PRRC2C: variants seen among roughly 807,000 people sequenced by gnomAD.
PRRC2C encodes proline rich coiled-coil 2C, also known as protein PRRC2C.
In PRRC2C, 72 loss-of-function variants were observed where a neutral mutation model predicts 317.2. The ratio of observed to expected loss-of-function variants is 0.23; its 90% CI spans 0.19 to 0.28. PRRC2C has a LOEUF of 0.28. PRRC2C is among the 10% of genes least tolerant of loss of function. PRRC2C has a pLI of 1.00. For missense variants in PRRC2C, 3,074 were observed against 3,459.7 expected, an observed-to-expected ratio of 0.89 and a Z score of 2.80; for synonymous variants, 1,296 against 1,205.9, an observed-to-expected ratio of 1.07 and a Z score of -1.55.
chr1:171,591,039 C>A, intron 34 of PRRC2C: 1 of 310,178 alleles, frequency 3.2e-6, no homozygotes, highest in Non-Finnish European at 4.7e-6. Flanking sequence ...TTTTTGGGGG[C>A]ACATAGTCAA....
chr1:171,591,682 G>C lies in PRRC2C; in HGVS notation c.8532G>C (p.Val2844=). 6.2e-7 allele frequency: 1 copy of C among 1,613,908 alleles called. No homozygotes were observed. The highest frequency in any genetic ancestry group is 8.5e-7 in the Non-Finnish European group (1 of 1,179,872). ...TAGGAGGAGGCAAAGCCCAGAAAGTGGACAGTGATTCAAGTAAACCTCCTG... is the reference window on the plus strand; with the variant it reads ...TAGGAGGAGGCAAAGCCCAGAAAGTCGACAGTGATTCAAGTAAACCTCCTG... ...KQIGGGKAQK[V]DSDSSKPPET... is the part of the protein sequence containing the mutation. Residue 2844 remains valine, a synonymous_variant, in exon 35 of 35, where the codon GTG becomes GTC. Coordinates refer to ENST00000647382, the MANE Select transcript of PRRC2C (RefSeq NM_001387844.1).
At chr1:171,486,082 C>T (rs991261830) in intron 1 of PRRC2C, among the ~76,000 whole-genome samples, 1 of 145,720 alleles carries the variant, frequency 6.9e-6, no homozygotes, top group African/African-American at 2.6e-5. Flanking sequence ...GGGTTTCCGT[C>T]TTCCTGGACT....
At chr1:171,587,337 A>T (rs1166889582) in intron 31 of PRRC2C, 116 bp downstream of exon 31, 1 of 939,772 alleles carries the variant, frequency 1.1e-6, no homozygotes, top group African/African-American at 1.7e-5. Flanking sequence ...CCCTGCAAAA[A>T]TCTCAAACCC....
chr1:171,566,697 C>G lies in PRRC2C; in HGVS notation c.6412C>G (p.Pro2138Ala). The change falls in exon 22 of 35, where the codon CCA becomes GCA. Residue 2138 changes from proline (P) to alanine (A), a missense_variant. Physicochemically the swap from Pro to Ala is conservative, Grantham distance 27 (BLOSUM62 -1). Around this residue, in one of 11 missense-constraint regions of PRRC2C, gnomAD observed 640 missense variants for 676.1 expected, o/e 0.95. Coordinates refer to ENST00000647382, the MANE Select transcript of PRRC2C (RefSeq NM_001387844.1). ...RKVKDAQQVE[P>A]EGQEKPSPAT... is the part of the protein sequence containing the mutation. ...AGTAAAAGATGCCCAACAGGTGGAG[C>G]CAGAAGGACAAGAGAAACCAAGCCC... The G allele has an allele frequency of 6.2e-7, 1 of 1,613,332 alleles. No homozygotes were observed. The highest frequency in any genetic ancestry group is 2.2e-5 in the East Asian group (1 of 44,850).
Position 171,541,715 on chromosome 1 carries a change from C to T in PRRC2C, c.4249C>T (p.Pro1417Ser). 1 of 1,613,844 alleles carries T rather than the reference C, an allele frequency of 6.2e-7. No individual in the cohort carries two copies. The highest frequency in any genetic ancestry group is 1.3e-5 in the African/African-American group (1 of 75,018). The change falls in exon 16 of 35, where the codon CCA (proline) becomes TCA (serine). Residue 1417 changes from proline to serine, a missense_variant. Around this residue, in one of 11 missense-constraint regions of PRRC2C, gnomAD observed 1,320 missense variants for 1,395.7 expected, o/e 0.95. Transcript: ENST00000647382. This position sits in a 1 kb window ranked among gnomAD's most constrained non-coding sequence, Gnocchi z 4.1. The stretch of plus-strand genomic sequence containing the variant: ...TCCAAAATTTGAGCGAAAATTTGAC[C>T]CAGCTAGAGAAAGGCCTCGAAGGCA... ...RPPKFERKFDPARERPRRQRP... is the reference protein window; with the variant it reads ...RPPKFERKFDSARERPRRQRP...
chr1:171,523,613 GT>G, intron 9 of PRRC2C, 91 bp downstream of exon 9: 2 of 1,102,276 alleles, frequency 1.8e-6, no homozygotes, highest in Non-Finnish European at 2.7e-6. Flanking sequence ...ATAGACAATT[GT>G]TTGTTATTTG....
At chr1:171,537,621 G>C (rs1443535754) in intron 15 of PRRC2C, 148 bp downstream of exon 15, 2 of 747,390 alleles carry the variant, frequency 2.7e-6, no homozygotes, top group African/African-American at 3.5e-5. Flanking sequence ...CTTACTCTTT[G>C]GACATATTCT....
At chr1:171,529,901 G>A (rs1041763108) in intron 11 of PRRC2C, among the ~76,000 whole-genome samples, 5 of 152,044 alleles carry the variant, frequency 3.3e-5, no homozygotes, top group Non-Finnish European at 5.9e-5. Flanking sequence ...TATGATCAGG[G>A]TCTCCAGACC....
At position 171,540,209 on chromosome 1, in the gene PRRC2C, T is replaced by C. The variant is rs1320404369; in HGVS notation, c.2743T>C (p.Ser915Pro). The change falls in exon 16 of 35, where the codon TCA becomes CCA. Residue 915 changes from serine (S) to proline (P), a missense_variant. Ser to Pro is a moderately conservative substitution (Grantham distance 74). This residue lies in a region of PRRC2C where 1,320 missense variants were observed against 1,395.7 expected (regional missense o/e 0.95). Transcript: ENST00000647382. ...TLSAPQEERISAVESQPSRKR... is the reference protein window; with the variant it reads ...TLSAPQEERIPAVESQPSRKR... Reference sequence around the variant, plus strand: ...ATCCGCTCCTCAAGAGGAGCGGATTTCAGCTGTAGAAAGTCAGCCTTCCCG... The same window carrying C: ...ATCCGCTCCTCAAGAGGAGCGGATTCCAGCTGTAGAAAGTCAGCCTTCCCG... 6.2e-7 allele frequency: 1 copy of C among 1,613,908 alleles called. No homozygotes were observed. Among genetic ancestry groups the C allele is most frequent in the Non-Finnish European group, 8.5e-7 (1 of 1,179,856 alleles).
intron 16 of PRRC2C, 67 bp downstream of exon 16, chr1:171,542,296 T>C (rs191075689): frequency 1.5e-6 from 2 of 1,346,948 alleles, no homozygotes; most frequent in East Asian, 5.0e-5. Context: ...GAGTTCTTGG[T>C]TGAATTATGC....
chr1:171,591,657 TAGG>T lies in PRRC2C; in HGVS notation c.8514_8516del (p.Gly2839del), dbSNP rs1249664946. On this transcript the variant is annotated inframe_deletion, in exon 35 of 35. Transcript: ENST00000647382. ...TCTGAACAGCAACAGAGCAAACAGA[TAGG>T]AGGAGGCAAAGCCCAGAAAGTGGAC... 1.9e-6 allele frequency: 3 copies of T among 1,613,912 alleles called. No homozygotes were observed. The highest frequency in any genetic ancestry group is 1.7e-5 in the Admixed American group (1 of 60,012).
rs754768602 is a variant in PRRC2C at position 171,557,981 on chromosome 1, C to G, written c.5869C>G (p.Pro1957Ala). Reference sequence around the variant, plus strand: ...TACATCTCAGTCTTCAAAACAACCACCACCATCAATTAGGCTGCCTTCAGC... The same window carrying G: ...TACATCTCAGTCTTCAAAACAACCAGCACCATCAATTAGGCTGCCTTCAGC... ...QTTSQSSKQP[P>A]PSIRLPSAQT... Residue 1957 changes from proline (P) to alanine (A), a missense_variant, in exon 19 of 35, where the codon CCA becomes GCA. By Grantham distance (27) the Pro-to-Ala change is conservative (BLOSUM62 -1). Transcript: ENST00000647382. 5 of 1,613,684 alleles carry G rather than the reference C, an allele frequency of 3.1e-6. No homozygotes were observed. Among genetic ancestry groups the G allele is most frequent in the Non-Finnish European group, 3.4e-6 (4 of 1,179,828 alleles).
At chr1:171,507,894 T>C (rs1670555462) in intron 1 of PRRC2C, among the ~76,000 whole-genome samples, 1 of 152,222 alleles carries the variant, frequency 6.6e-6, no homozygotes, top group Non-Finnish European at 1.5e-5. Context: ...AAGAACTTTA[T>C]TCTTTTTGAT....
At chr1:171,585,798 C>T (rs556415818) in intron 30 of PRRC2C, among the ~76,000 whole-genome samples, 5 of 152,020 alleles carry the variant, frequency 3.3e-5, no homozygotes, top group African/African-American at 9.7e-5. Flanking sequence ...AATGGAGATA[C>T]GGTTGAGGGT....
At chr1:171,490,283 G>C (rs772283487) in intron 1 of PRRC2C, among the ~76,000 whole-genome samples, 5 of 152,106 alleles carry the variant, frequency 3.3e-5, no homozygotes, top group Non-Finnish European at 7.4e-5. Flanking sequence ...AAATAAACAT[G>C]ATTTTACATA....
chr1:171,586,568 T>TTATTTTA lies in PRRC2C; in HGVS notation c.7750-433_7750-427dup, dbSNP rs1167301527. On this transcript the variant is annotated intron_variant, in intron 30 of 34. Transcript: ENST00000647382. Reference sequence around the variant, plus strand: ...GTATTTTATTTTATTTTATTTTATTTTATTTTATTTTATTTTATTTTATTT... The same window carrying TTATTTTA: ...GTATTTTATTTTATTTTATTTTATTTTATTTTATATTTTATTTTATTTTATTTTATTT... Among the ~76,000 whole-genome samples, 3 of 147,996 alleles carry TTATTTTA rather than the reference T, an allele frequency of 2.0e-5. No individual in the cohort carries two copies. The Admixed American group carries it at 2.0e-4, about 10-fold the overall frequency.
intron 28 of PRRC2C, among the ~76,000 whole-genome samples, chr1:171,581,999 G>T (rs1275779395): frequency 6.6e-6 from 1 of 151,524 alleles, no homozygotes; most frequent in African/African-American, 2.4e-5. Context: ...GTTTTGGCTT[G>T]GTTTGGTTTT....
chr1:171,490,192 C>T (rs531438823), intron 1 of PRRC2C, among the ~76,000 whole-genome samples: 1 of 152,334 alleles, frequency 6.6e-6, no homozygotes, highest in East Asian at 1.9e-4. Context: ...GCTGGGATTA[C>T]AGGCGTGAGC....
intron 1 of PRRC2C, chr1:171,511,611 C>G (rs1671408069): frequency 6.6e-6 from 1 of 152,394 alleles, no homozygotes. Flanking sequence ...GCACATACTG[C>G]CTGATGATGA....
Sources: allele counts gnomAD v4.1 joint callset (sites outside exome capture counted in the v4.1 genomes callset), GRCh38; gene constraint gnomAD v4.1.1; regional missense constraint gnomAD v4.1.1; non-coding constraint Gnocchi (gnomAD v3.1); transcripts MANE v1.5; gene names NCBI Gene and HGNC (gene_info 2026-07-23, HGNC 2026-07-21).